The following SEL1L2 variants were observed in gnomAD, a reference collection of about 807,000 sequenced individuals.
SEL1L2 encodes protein sel-1 homolog 2.
SEL1L2 carries 89 observed loss-of-function variants against 98.8 expected under a neutral mutation model. That is an observed-to-expected ratio of 0.90 (90% CI 0.76 to 1.07). The LOEUF (loss-of-function observed/expected upper bound fraction) is 1.07, where lower values mean the gene tolerates loss of function less well. Ranked by LOEUF, SEL1L2 falls within the 50% of genes least tolerant of loss-of-function variation. The probability of loss-of-function intolerance (pLI) is 0.00; values close to 1 mark genes in which losing one functional copy is unlikely to be tolerated. For synonymous variants in SEL1L2, 262 were observed against 278.5 expected, an observed-to-expected ratio of 0.94 and a Z score of 0.59; for missense variants, 788 against 812.0, an observed-to-expected ratio of 0.97 and a Z score of 0.36.
chr20:13,942,401 T>A (rs1169208139), intron 2 of SEL1L2, among the ~76,000 whole-genome samples: 1 of 152,168 alleles, frequency 6.6e-6, no homozygotes, highest in East Asian at 1.9e-4. Flanking sequence ...TTTTCCTAGG[T>A]CATTGGTTCT....
intron 3 of SEL1L2, among the ~76,000 whole-genome samples, chr20:13,921,054 T>A (rs1334613667): frequency 6.6e-6 from 1 of 152,134 alleles, no homozygotes; most frequent in Non-Finnish European, 1.5e-5. Context: ...TTTTAGAGAG[T>A]GAAAATAAAT....
At chr20:13,860,735 C>G (rs182126052) in intron 17 of SEL1L2, among the ~76,000 whole-genome samples, 3 of 152,052 alleles carry the variant, frequency 2.0e-5, no homozygotes, top group Non-Finnish European at 4.4e-5. Context: ...CTCTGGGTGA[C>G]CTTGTTTCGT....
At chr20:13,922,046 G>C (rs2048687786) in intron 3 of SEL1L2, among the ~76,000 whole-genome samples, 1 of 152,136 alleles carries the variant, frequency 6.6e-6, no homozygotes, top group African/African-American at 2.4e-5. Flanking sequence ...CAACATAATT[G>C]ATATTGCTTT....
At chr20:13,934,534 G>C (rs1378595050) in intron 2 of SEL1L2, among the ~76,000 whole-genome samples, 2 of 123,724 alleles carry the variant, frequency 1.6e-5, no homozygotes. Context: ...CATTTGGGCT[G>C]GTTCTGTATT....
intron 12 of SEL1L2, among the ~76,000 whole-genome samples, chr20:13,874,014 C>T (rs564009370): frequency 6.6e-6 from 1 of 152,176 alleles, no homozygotes; most frequent in African/African-American, 2.4e-5. Context: ...GCAGGGGCAG[C>T]TCTGTGGATG....
chr20:13,869,332 C>T (rs996492317), intron 14 of SEL1L2, among the ~76,000 whole-genome samples, 171 bp downstream of exon 14: 7 of 152,152 alleles, frequency 4.6e-5, no homozygotes, highest in Non-Finnish European at 1.0e-4. Flanking sequence ...CCTTGTCCCC[C>T]CTCCCAACCA....
chr20:13,849,379 C>A lies in SEL1L2; in HGVS notation c.*106G>T. 1 of 1,406,514 alleles carries A rather than the reference C, an allele frequency of 7.1e-7. No homozygotes were observed. Among genetic ancestry groups the A allele is most frequent in the Non-Finnish European group, 9.8e-7 (1 of 1,017,722 alleles). 87.1% of individuals were successfully genotyped at this position (1,406,514 alleles called of 1,614,324 possible). A position where few individuals can be genotyped will look rare whatever the true frequency, so the allele number is the denominator to read the frequency against. On this transcript the variant is annotated 3_prime_UTR_variant, in exon 20 of 20. Coordinates refer to ENST00000284951, the MANE Select transcript of SEL1L2 (RefSeq NM_025229.2). The stretch of plus-strand genomic sequence containing the variant: ...GTCTGTTTCCCATCACAGCCCTGAG[C>A]GGGAAACTGCAGCGGACTCTTGATT...
chr20:13,939,772 T>C (rs2148365298), intron 2 of SEL1L2, among the ~76,000 whole-genome samples: 1 of 151,478 alleles, frequency 6.6e-6, no homozygotes, highest in Admixed American at 6.6e-5. Flanking sequence ...GTTCAAGCAA[T>C]TCTCATGCCT....
chr20:13,974,472 TC>T (rs1600998787), intron 1 of SEL1L2, among the ~76,000 whole-genome samples: 3 of 89,492 alleles, frequency 3.4e-5, no homozygotes, highest in African/African-American at 1.1e-4. Context: ...TCTCTCTCTC[TC>T]TCTTTTTTTT....
chr20:13,975,048 A>T (rs1318399270), intron 1 of SEL1L2, among the ~76,000 whole-genome samples: 1 of 152,118 alleles, frequency 6.6e-6, no homozygotes, highest in African/African-American at 2.4e-5. Flanking sequence ...CTTGGTTCCA[A>T]GTCTGTGGGG....
At chr20:13,963,790 T>C (rs371747142) in intron 1 of SEL1L2, among the ~76,000 whole-genome samples, 31 of 152,216 alleles carry the variant, frequency 2.0e-4, no homozygotes, top group Middle Eastern at 3.4e-3. Context: ...AACTTCACCC[T>C]TGTTACCAGA....
intron 5 of SEL1L2, among the ~76,000 whole-genome samples, chr20:13,899,763 A>G (rs2047585659): frequency 6.6e-6 from 1 of 152,218 alleles, no homozygotes; most frequent in Non-Finnish European, 1.5e-5. Context: ...TACCATGAAG[A>G]AAACTGAAGC....
At chr20:13,989,586 A>G (rs1263910988) in intron 1 of SEL1L2, among the ~76,000 whole-genome samples, 2 of 152,346 alleles carry the variant, frequency 1.3e-5, no homozygotes, top group East Asian at 3.9e-4. Flanking sequence ...ACCATTAAAT[A>G]TAGTAGCTTT....
intron 1 of SEL1L2, among the ~76,000 whole-genome samples, chr20:13,962,078 T>C (rs1306045486): frequency 1.3e-5 from 2 of 152,170 alleles, no homozygotes; most frequent in Admixed American, 6.5e-5. Context: ...CTTGATGATA[T>C]GATAAAGTGA....
intron 2 of SEL1L2, among the ~76,000 whole-genome samples, chr20:13,953,533 G>A (rs945882711): frequency 1.9e-4 from 29 of 152,212 alleles, no homozygotes; most frequent in African/African-American, 6.3e-4. Flanking sequence ...ACAGCCAGGT[G>A]TAAAAGGGTC....
At chr20:13,850,014 C>T in intron 19 of SEL1L2, 177 bp downstream of exon 19, 1 of 650,868 alleles carries the variant, frequency 1.5e-6, no homozygotes, top group Non-Finnish European at 2.6e-6. Context: ...GAAGTGTCAA[C>T]ACATACTCAA....
In SEL1L2 at chr20:13,975,538, A is replaced by AT. The variant is rs538301585; in HGVS notation, c.58+14938dup. Among the ~76,000 whole-genome samples the AT allele has an allele frequency of 8.9e-4, 136 of 152,372 alleles. 1 individual carries two copies. The highest frequency in any genetic ancestry group is 4.2e-3 in the Admixed American group (64 of 15,308). The stretch of plus-strand genomic sequence containing the variant: ...TAAACTCTGTTCTTCAGAATTTTAA[A>AT]TATCTATAAATTTAGAATAATAAAA... On this transcript the variant is annotated intron_variant, in intron 1 of 19. Coordinates refer to ENST00000284951, the MANE Select transcript of SEL1L2 (RefSeq NM_025229.2).
intron 5 of SEL1L2, among the ~76,000 whole-genome samples, chr20:13,912,982 G>C (rs1302930452): frequency 2.0e-5 from 3 of 152,200 alleles, no homozygotes; most frequent in Non-Finnish European, 2.9e-5. Flanking sequence ...TGCAGAAGGA[G>C]GTGAAAGGGT....
At chr20:13,929,876 C>T (rs1421431820) in intron 3 of SEL1L2, among the ~76,000 whole-genome samples, 5 of 152,226 alleles carry the variant, frequency 3.3e-5, no homozygotes, top group Admixed American at 6.5e-5. Flanking sequence ...CTGCAGCCTC[C>T]GCCTCCTGGC....
Sources: allele counts gnomAD v4.1 joint callset (sites outside exome capture counted in the v4.1 genomes callset), GRCh38; gene constraint gnomAD v4.1.1; transcripts MANE v1.5; gene names NCBI Gene and HGNC (gene_info 2026-07-23, HGNC 2026-07-21).